IMPA1: variants seen among roughly 807,000 people sequenced by gnomAD.
IMPA1 encodes inositol monophosphatase 1, also known as D-galactose 1-phosphate phosphatase.
In IMPA1, 21 loss-of-function variants were observed where a neutral mutation model predicts 34.9. That is an observed-to-expected ratio of 0.60 (90% CI 0.43 to 0.87). The LOEUF (loss-of-function observed/expected upper bound fraction) is 0.87. Among genes scored for constraint, IMPA1 ranks in the 40% least tolerant of loss-of-function variants. The pLI, the probability that IMPA1 is intolerant of heterozygous loss-of-function variation, is 0.00. For synonymous variants in IMPA1, 95 were observed against 104.4 expected (o/e 0.91, Z 0.55); for missense variants, 299 against 336.4 (o/e 0.89, Z 0.87).
chr8:81,666,020 T>C (rs1563582065), intron 7 of IMPA1, among the ~76,000 whole-genome samples: 1 of 152,158 alleles, frequency 6.6e-6, no homozygotes, highest in African/African-American at 2.4e-5. Flanking sequence ...GTGAGCATTT[T>C]ATAATGTTAA....
At chr8:81,666,409 A>T (rs1281905934) in intron 7 of IMPA1, among the ~76,000 whole-genome samples, 1 of 152,242 alleles carries the variant, frequency 6.6e-6, no homozygotes, top group East Asian at 1.9e-4. Context: ...AAACAGTCAT[A>T]TCAATAAATC....
At chr8:81,683,624 G>A (rs1287338937) in intron 1 of IMPA1, among the ~76,000 whole-genome samples, 1 of 152,124 alleles carries the variant, frequency 6.6e-6, no homozygotes, top group African/African-American at 2.4e-5. Flanking sequence ...GAGTTTGAGA[G>A]ATCAGGAGTT....
chr8:81,684,335 C>T (rs1166107567), intron 1 of IMPA1, among the ~76,000 whole-genome samples: 1 of 140,802 alleles, frequency 7.1e-6, no homozygotes, highest in African/African-American at 2.7e-5. Flanking sequence ...TATTTAGATA[C>T]TATATATAGT....
Position 81,679,562 on chromosome 8 carries a change from G to A in IMPA1, c.198-332C>T, listed in dbSNP as rs897947936. ...TGGTAGGCGGAGGTTGCAGTGAGCC[G>A]AGATCGTGCCACTGCACTCCAGCCT... On this transcript the variant is annotated intron_variant, in intron 3 of 8. Transcript: ENST00000256108. 6.7e-5 allele frequency among the ~76,000 whole-genome samples: 10 copies of A among 149,950 alleles called. No homozygotes were observed. In the East Asian group the frequency reaches 9.9e-4, roughly 15 times the overall value.
intron 4 of IMPA1, chr8:81,678,646 T>C (rs765401373): frequency 2.1e-5 from 4 of 191,588 alleles, no homozygotes; most frequent in Non-Finnish European, 4.5e-5. Context: ...GAGCCAAGAC[T>C]GCGCCATTGC....
chr8:81,659,478 C>T lies in IMPA1; in HGVS notation c.719-12G>A. The T allele has an allele frequency of 1.1e-5, 16 of 1,440,162 alleles. No homozygotes were observed. Among genetic ancestry groups the T allele is most frequent in the Non-Finnish European group, 1.6e-5 (16 of 1,025,956 alleles). 89.2% of individuals were successfully genotyped at this position (1,440,162 alleles called of 1,614,324 possible). A position where few individuals can be genotyped will look rare whatever the true frequency, so the allele number is the denominator to read the frequency against. ...ATCAAATGGTCCACCTAAAAGCAAA[C>T]AAGTATGAAAAATAATTTTATCTGG... On this transcript the variant is annotated splice_polypyrimidine_tract_variant and intron_variant, in intron 8 of 8. Coordinates refer to ENST00000256108, the MANE Select transcript of IMPA1 (RefSeq NM_005536.4).
intron 6 of IMPA1, among the ~76,000 whole-genome samples, 182 bp from the exon 7 acceptor site, chr8:81,671,229 C>A (rs1806980947): frequency 6.6e-6 from 1 of 152,034 alleles, no homozygotes; most frequent in African/African-American, 2.4e-5. Flanking sequence ...GCATCAGAGT[C>A]CAGCTGCTTA....
rs1484411676 is a variant in IMPA1, at chr8:81,680,768, T to C, written c.79A>G (p.Ile27Val). The C allele has an allele frequency of 1.2e-6, 2 of 1,606,526 alleles. No individual in the cohort carries two copies. The highest frequency in any genetic ancestry group is 1.7e-4 in the Middle Eastern group (1 of 6,044). Residue 27 changes from isoleucine to valine, a missense_variant, in exon 3 of 9, where the codon ATA becomes GTA. Transcript: ENST00000256108. Reference protein sequence around the residue: ...RQAGEVVCEAIKNEMNVMLKS... With the variant: ...RQAGEVVCEAVKNEMNVMLKS... ...AGCATAACATTCATTTCATTTTTTATAGCTTCACAAACTACCTAAAAAGAG... is the reference window on the plus strand; with the variant it reads ...AGCATAACATTCATTTCATTTTTTACAGCTTCACAAACTACCTAAAAAGAG...
intron 7 of IMPA1, 47 bp downstream of exon 7, chr8:81,670,892 C>T: frequency 1.1e-6 from 1 of 948,694 alleles, no homozygotes; most frequent in Non-Finnish European, 1.6e-6. Flanking sequence ...TGTGTGCACA[C>T]ACACACGTAT....
At chr8:81,662,021 C>T (rs1806695490) in intron 7 of IMPA1, among the ~76,000 whole-genome samples, 1 of 152,042 alleles carries the variant, frequency 6.6e-6, no homozygotes, top group Non-Finnish European at 1.5e-5. Context: ...AAAAAAATTG[C>T]ACCTAAGTAC....
intron 1 of IMPA1, among the ~76,000 whole-genome samples, chr8:81,684,097 CTATA>C (rs34432369): frequency 2.2e-5 from 3 of 137,608 alleles, no homozygotes; most frequent in African/African-American, 5.9e-5. Context: ...TGGATGCAAA[CTATA>C]TATATATATA....
intron 7 of IMPA1, among the ~76,000 whole-genome samples, chr8:81,669,023 G>C (rs1351268535): frequency 6.6e-6 from 1 of 152,174 alleles, no homozygotes; most frequent in East Asian, 1.9e-4. Context: ...AATTCTGCAA[G>C]CTTGCATAAA....
In IMPA1 at chr8:81,679,013, A is replaced by G. The variant is rs528763333; in HGVS notation, c.302+113T>C. The G allele has an allele frequency of 2.3e-5, 15 of 638,978 alleles. No homozygotes were observed. In the East Asian group the frequency reaches 4.2e-4, roughly 18 times the overall value. 39.6% of individuals were successfully genotyped at this position (638,978 alleles called of 1,614,324 possible). ...TATATATACTTTATTAGAATAAAGA[A>G]GCATAAACGAAGTATACAATTTTCT... On this transcript the variant is annotated intron_variant, in intron 4 of 8. Transcript: ENST00000256108.
chr8:81,660,629 AG>A lies in IMPA1; in HGVS notation c.604del (p.Val203TrpfsTer33), dbSNP rs1375218954. The A allele has an allele frequency of 6.2e-7, 1 of 1,613,246 alleles. No individual in the cohort carries two copies. Among genetic ancestry groups the A allele is most frequent in the Non-Finnish European group, 8.5e-7 (1 of 1,179,242 alleles). ...SVGTAAVNMCLVATGGADAYY... is the reference protein window; with the variant it reads ...SVGTAAVNMCXVATGGADAYY... ...TGCATCTGCTCCGCCAGTTGCCACA[AG>A]GCACATATTAACAGCTGCTGTTCCA... is the stretch of plus-strand genomic sequence containing the variant. On this transcript the variant is annotated frameshift_variant, in exon 8 of 9. Transcript: ENST00000256108. LOFTEE classifies it high-confidence loss of function.
At chr8:81,684,930 TA>T (rs1171930563) in intron 1 of IMPA1, among the ~76,000 whole-genome samples, 22 of 132,986 alleles carry the variant, frequency 1.7e-4, no homozygotes, top group African/African-American at 4.8e-4. Context: ...ATGTATAGTA[TA>T]TATACTATAC....
chr8:81,684,996 G>C (rs977060329), intron 1 of IMPA1, among the ~76,000 whole-genome samples: 1 of 126,912 alleles, frequency 7.9e-6, no homozygotes. Context: ...AGTATATTTA[G>C]ATACTATATA....
At chr8:81,661,746 T>G (rs1806680027) in intron 7 of IMPA1, among the ~76,000 whole-genome samples, 2 of 152,252 alleles carry the variant, frequency 1.3e-5, no homozygotes, top group South Asian at 4.1e-4. Context: ...ATTCCCTTAC[T>G]TTTATCATTG....
In IMPA1 at chr8:81,681,384, CAAGACCG is replaced by C. The variant is rs957976833; in HGVS notation, c.63+107_63+113del. ...ACTACATTCCAGCTTGGGTGACAAG[CAAGACCG>C]TTTCAAAAAAAGAAACCAAATCGAA... On this transcript the variant is annotated intron_variant, in intron 2 of 8. Coordinates refer to ENST00000256108, the MANE Select transcript of IMPA1 (RefSeq NM_005536.4). 8.9e-6 allele frequency: 6 copies of C among 671,288 alleles called. No homozygotes were observed. The African/African-American group carries it at 1.1e-4, about 12-fold the overall frequency. 41.6% of individuals were successfully genotyped at this position (671,288 alleles called of 1,614,324 possible).
chr8:81,686,296 G>A lies in IMPA1; in HGVS notation c.-69C>T, dbSNP rs1055046932. On this transcript the variant is annotated 5_prime_UTR_variant, in exon 1 of 9. Coordinates refer to ENST00000256108, the MANE Select transcript of IMPA1 (RefSeq NM_005536.4). Reference sequence around the variant, plus strand: ...GGCTAGCTCTGTGAACGGTGTTACCGCACTCGTCTCTTCCGGAGGTAGAGG... The same window carrying A: ...GGCTAGCTCTGTGAACGGTGTTACCACACTCGTCTCTTCCGGAGGTAGAGG... The A allele has an allele frequency of 7.1e-6, 7 of 989,958 alleles. No individual in the cohort carries two copies. Among genetic ancestry groups the A allele is most frequent in the African/African-American group, 3.5e-5 (2 of 57,422 alleles). The allele number at this position is 989,958 out of a possible 1,614,324, so 61.3% of individuals were successfully genotyped here. A position where few individuals can be genotyped will look rare whatever the true frequency, so the allele number is the denominator to read the frequency against.
Sources: allele counts gnomAD v4.1 joint callset (sites outside exome capture counted in the v4.1 genomes callset), GRCh38; gene constraint gnomAD v4.1.1; transcripts MANE v1.5; gene names NCBI Gene and HGNC (gene_info 2026-07-23, HGNC 2026-07-21).